TRHDE: variants seen among roughly 807,000 people sequenced by gnomAD.
TRHDE encodes the protein thyrotropin releasing hormone degrading enzyme.
Under a neutral mutation model 125.7 loss-of-function variants are expected in TRHDE, and 72 were observed. That is an observed-to-expected ratio of 0.57 (90% confidence interval 0.47 to 0.70). The LOEUF (loss-of-function observed/expected upper bound fraction) is 0.70, where lower values mean the gene tolerates loss of function less well. Ranked by LOEUF, TRHDE falls within the 30% of genes least tolerant of loss-of-function variation. TRHDE has a pLI of 0.00. For missense variants in TRHDE, 1,110 were observed against 1,327.1 expected (o/e 0.84, Z 2.54); for synonymous variants, 509 against 509.1 (o/e 1.00, Z 0.00).
rs1239680823 is a variant in TRHDE at position 72,548,009 on chromosome 12, T to G, written c.1788+5653T>G. Among the ~76,000 whole-genome samples, 9 of 151,888 alleles carry G rather than the reference T, an allele frequency of 5.9e-5. No homozygotes were observed. In the Admixed American group the frequency reaches 5.9e-4, roughly 10 times the overall value. ...CTAGCAAGATCACTCATGGGTTTCA[T>G]GCCTATTTAATATTTATACTATTGG... On this transcript the variant is annotated intron_variant, in intron 7 of 18. Transcript: ENST00000261180.
At chr12:72,632,803 T>C (rs1018394983) in intron 15 of TRHDE, among the ~76,000 whole-genome samples, 1 of 151,568 alleles carries the variant, frequency 6.6e-6, no homozygotes, top group Non-Finnish European at 1.5e-5. Context: ...TTTTTGTAGG[T>C]CTTTATCATT....
chr12:72,517,676 C>A (rs1374037673), intron 6 of TRHDE, among the ~76,000 whole-genome samples: 2 of 151,798 alleles, frequency 1.3e-5, no homozygotes, highest in Non-Finnish European at 2.9e-5. Context: ...TTATTTCTTG[C>A]CTTCTGCTAG....
chr12:72,551,731 A>G (rs1483965885), intron 7 of TRHDE, among the ~76,000 whole-genome samples: 1 of 152,156 alleles, frequency 6.6e-6, no homozygotes, highest in Non-Finnish European at 1.5e-5. Flanking sequence ...AACAGGATAA[A>G]GGGGACACAC....
intron 15 of TRHDE, among the ~76,000 whole-genome samples, chr12:72,639,263 C>T (rs1312113174): frequency 6.6e-6 from 1 of 151,920 alleles, no homozygotes; most frequent in Non-Finnish European, 1.5e-5. Context: ...TTTCATCTTC[C>T]ATCGCTGATA....
intron 2 of TRHDE, among the ~76,000 whole-genome samples, chr12:72,363,326 A>AG: frequency 8.6e-6 from 1 of 116,880 alleles, no homozygotes; most frequent in African/African-American, 3.0e-5. Flanking sequence ...CCAAAAAAGA[A>AG]TTTTAGTCCA....
intron 2 of TRHDE, among the ~76,000 whole-genome samples, chr12:72,302,174 A>G (rs1181491054): frequency 1.3e-5 from 2 of 152,114 alleles, no homozygotes; most frequent in East Asian, 1.9e-4. Flanking sequence ...CAGAGAGAGA[A>G]AGGTGTTTGA....
At chr12:72,445,852 T>G (rs751638798) in intron 3 of TRHDE, among the ~76,000 whole-genome samples, 10 of 152,010 alleles carry the variant, frequency 6.6e-5, no homozygotes, top group Non-Finnish European at 1.2e-4. Flanking sequence ...TTGCTTGCTT[T>G]CTTTTTTCCC....
At chr12:72,340,421 G>A (rs1468444389) in intron 2 of TRHDE, among the ~76,000 whole-genome samples, 6 of 152,136 alleles carry the variant, frequency 3.9e-5, no homozygotes. Flanking sequence ...ACCACATTGA[G>A]TTTGCTATGA....
At chr12:72,432,526 A>G (rs909954538) in intron 3 of TRHDE, among the ~76,000 whole-genome samples, 3 of 152,062 alleles carry the variant, frequency 2.0e-5, no homozygotes, top group African/African-American at 7.2e-5. Flanking sequence ...GCCTTCAGCT[A>G]TTCTCCCCGG....
In TRHDE at chr12:72,667,608, TC is replaced by T. The variant is rs1307458721; in HGVS notation, c.*4415del. ...GAATGAGGGCAACAGGAAAAATAAT[TC>T]CTTGCTACAGACGGGAAGTCAATCA... is the stretch of plus-strand genomic sequence containing the variant. On this transcript the variant is annotated 3_prime_UTR_variant, in exon 19 of 19. Transcript: ENST00000261180. 17 of 151,826 alleles carry T rather than the reference TC, an allele frequency of 1.1e-4. 1 individual carries two copies. In the East Asian group the frequency reaches 2.9e-3, roughly 26 times the overall value. 9.4% of individuals were successfully genotyped at this position (151,826 alleles called of 1,614,324 possible). A position where few individuals can be genotyped will look rare whatever the true frequency, so the allele number is the denominator to read the frequency against.
intron 2 of TRHDE, among the ~76,000 whole-genome samples, chr12:72,154,895 T>G (rs1876465842): frequency 6.6e-6 from 1 of 152,124 alleles, no homozygotes; most frequent in Non-Finnish European, 1.5e-5. Flanking sequence ...TCTCTAGGAG[T>G]ATCTTTGTGG....
intron 12 of TRHDE, among the ~76,000 whole-genome samples, chr12:72,604,306 TGTTAA>T (rs770142596): frequency 3.3e-5 from 5 of 152,032 alleles, no homozygotes; most frequent in Non-Finnish European, 7.4e-5. Context: ...AAGCAGCAGG[TGTTAA>T]GTTTTTTTTT....
At chr12:72,361,504 G>A (rs1871079220) in intron 2 of TRHDE, among the ~76,000 whole-genome samples, 1 of 151,534 alleles carries the variant, frequency 6.6e-6, no homozygotes, top group South Asian at 2.1e-4. Flanking sequence ...TAAGAGTAAT[G>A]TTAGATTATT....
chr12:72,541,731 G>A (rs1869157749), intron 6 of TRHDE, among the ~76,000 whole-genome samples: 1 of 151,348 alleles, frequency 6.6e-6, no homozygotes, highest in Non-Finnish European at 1.5e-5. Flanking sequence ...AGAAAAGTAA[G>A]GAGCAGAGAG....
At chr12:72,445,065 C>T (rs999058538) in intron 3 of TRHDE, among the ~76,000 whole-genome samples, 4 of 151,704 alleles carry the variant, frequency 2.6e-5, no homozygotes, top group African/African-American at 7.3e-5. Flanking sequence ...GCTTCTAAGA[C>T]GTCTTAACAA....
chr12:72,115,837 T>A (rs1486825871), intron 2 of TRHDE, among the ~76,000 whole-genome samples: 1 of 152,190 alleles, frequency 6.6e-6, no homozygotes, highest in Non-Finnish European at 1.5e-5. Flanking sequence ...TTGCCATTTA[T>A]ATGTCTTTTT....
At chr12:72,498,125 G>A (rs964543071) in intron 5 of TRHDE, among the ~76,000 whole-genome samples, 5 of 152,018 alleles carry the variant, frequency 3.3e-5, no homozygotes, top group Non-Finnish European at 5.9e-5. Context: ...GACTGAAGAA[G>A]TTAAATATAT....
At chr12:72,141,733 G>C (rs1483084073) in intron 2 of TRHDE, among the ~76,000 whole-genome samples, 3 of 152,154 alleles carry the variant, frequency 2.0e-5, no homozygotes, top group African/African-American at 4.8e-5. Context: ...CTATAATGTA[G>C]GTAGTACAGT....
intron 2 of TRHDE, among the ~76,000 whole-genome samples, chr12:72,221,863 C>T (rs1471133250): frequency 6.6e-6 from 1 of 151,978 alleles, no homozygotes; most frequent in Admixed American, 6.6e-5. Context: ...TGAGAAAGGC[C>T]CATATGATTG....
Sources: allele counts gnomAD v4.1 joint callset (sites outside exome capture counted in the v4.1 genomes callset), GRCh38; gene constraint gnomAD v4.1.1; transcripts MANE v1.5; gene names NCBI Gene and HGNC (gene_info 2026-07-23, HGNC 2026-07-21).